Variants in POLI observed in about 807,000 individuals in gnomAD.
POLI encodes DNA polymerase iota, also known as RAD30 homolog B.
POLI carries 58 observed loss-of-function variants against 51.6 expected under a neutral mutation model. That is an observed-to-expected ratio of 1.12 (90% CI 0.91 to 1.40). POLI has a LOEUF of 1.40. POLI is among the 40% of genes most tolerant of loss of function. The pLI, the probability that POLI is intolerant of heterozygous loss-of-function variation, is 0.00. For missense variants in POLI, 921 were observed against 871.3 expected, an observed-to-expected ratio of 1.06 and a Z score of -0.72; for synonymous variants, 322 against 299.7, an observed-to-expected ratio of 1.07 and a Z score of -0.77.
intron 8 of POLI, among the ~76,000 whole-genome samples, chr18:54,291,171 CT>C (rs1175502912): frequency 6.6e-6 from 1 of 151,762 alleles, no homozygotes; most frequent in African/African-American, 2.4e-5. Flanking sequence ...TGTAGTCCCT[CT>C]TTGGTTCTCT....
At chr18:54,316,006 C>T (rs114983385) in intron 3 of POLI, among the ~76,000 whole-genome samples, 179 of 152,128 alleles carry the variant, frequency 1.2e-3, no homozygotes, top group African/African-American at 4.0e-3. Flanking sequence ...GGCTTGAACT[C>T]CTAGGCTCAT....
Position 54,306,514 on chromosome 18 carries a change from G to A in POLI, c.334-13759G>A, listed in dbSNP as rs185176500. On this transcript the variant is annotated intron_variant, in intron 3 of 4. Coordinates refer to the POLI transcript ENST00000579823. ...AGGATTTTTGCATCAATGTTCATCA[G>A]GGATATTGGTCTAAAATTCTCTTTT... is the stretch of plus-strand genomic sequence containing the variant. Among the ~76,000 whole-genome samples the A allele has an allele frequency of 4.3e-3, 635 of 148,610 alleles. 9 individuals are homozygous for A. The highest frequency in any genetic ancestry group is 0.015 in the African/African-American group (620 of 40,444).
rs2088378082 is a variant in POLI, at chr18:54,297,287, T to G, written c.*2820T>G. On this transcript the variant is annotated 3_prime_UTR_variant, in exon 10 of 10. Transcript: ENST00000579534. ...TGCTTTTGTTTCAGCTCGAGTTTGT[T>G]GTTGTTTTTTTTTTTTCCTGTTTCT... 4 of 985,144 alleles carry G rather than the reference T, an allele frequency of 4.1e-6. No individual in the cohort carries two copies. Among genetic ancestry groups the G allele is most frequent in the Non-Finnish European group, 4.8e-6 (4 of 829,924 alleles). The allele number at this position is 985,144 out of a possible 1,614,324, so 61.0% of individuals were successfully genotyped here. A position where few individuals can be genotyped will look rare whatever the true frequency, so the allele number is the denominator to read the frequency against.
Position 54,291,915 on chromosome 18 carries a change from C to T in POLI, c.1281C>T (p.His427=), listed in dbSNP as rs1188509548. 3 of 1,609,288 alleles carry T rather than the reference C, an allele frequency of 1.9e-6. No homozygotes were observed. Among genetic ancestry groups the T allele is most frequent in the Non-Finnish European group, 2.6e-6 (3 of 1,176,118 alleles). The change falls in exon 9 of 10, where the codon CAC becomes CAT. Residue 427 remains histidine (H), a synonymous_variant. Transcript: ENST00000579534. ...RNMVNVKMPF[H]LTLLSVCFCN... ...TGGTGAATGTGAAGATGCCATTTCA[C>T]CTTACCCTTCTAAGTGTGTGCTTCT... is the stretch of plus-strand genomic sequence containing the variant.
At chr18:54,319,705 G>C (rs1261098469) in intron 3 of POLI, among the ~76,000 whole-genome samples, 1 of 152,076 alleles carries the variant, frequency 6.6e-6, no homozygotes, top group African/African-American at 2.4e-5. Flanking sequence ...AGTAATCGAA[G>C]TGACAAAATA....
chr18:54,272,475 T>TTTGTTG (rs200681650), intron 2 of POLI, among the ~76,000 whole-genome samples: 7 of 151,982 alleles, frequency 4.6e-5, no homozygotes, highest in Non-Finnish European at 1.0e-4. Flanking sequence ...TCATTTTGTT[T>TTTGTTG]TTGTTGTTGT....
In POLI at chr18:54,282,949, T is replaced by C. The variant is rs1397327845; in HGVS notation, c.909T>C (p.Ala303=). 6.2e-7 allele frequency: 1 copy of C among 1,610,196 alleles called. No homozygotes were observed. Among genetic ancestry groups the C allele is most frequent in the Non-Finnish European group, 8.5e-7 (1 of 1,178,082 alleles). ...ILEKELGISV[A]QRIQKLSFGE... Reference sequence around the variant, plus strand: ...AAAAAGAATTAGGAATTTCAGTTGCTCAGCGTATCCAAAAGCTCAGTTTTG... The same window carrying C: ...AAAAAGAATTAGGAATTTCAGTTGCCCAGCGTATCCAAAAGCTCAGTTTTG... Residue 303 remains alanine, a synonymous_variant, in exon 6 of 10, where the codon GCT becomes GCC. Transcript: ENST00000579534.
chr18:54,297,906 A>G lies in POLI; in HGVS notation c.*3439A>G. Reference sequence around the variant, plus strand: ...TTCTTGTGTGTCAGATGTTCCTTCTAGGTAGAATTCTTTATACCTTCTGAA... The same window carrying G: ...TTCTTGTGTGTCAGATGTTCCTTCTGGGTAGAATTCTTTATACCTTCTGAA... On this transcript the variant is annotated 3_prime_UTR_variant, in exon 10 of 10. Transcript: ENST00000579534. 1 of 982,380 alleles carries G rather than the reference A, an allele frequency of 1.0e-6. No homozygotes were observed. The highest frequency in any genetic ancestry group is 1.2e-6 in the Non-Finnish European group (1 of 827,258). The allele number at this position is 982,380 out of a possible 1,614,324, so 60.9% of individuals were successfully genotyped here.
intron 3 of POLI, among the ~76,000 whole-genome samples, chr18:54,318,411 T>C (rs1024012862): frequency 1.1e-4 from 17 of 152,208 alleles, no homozygotes; most frequent in Admixed American, 3.9e-4. Flanking sequence ...AAGTTCGTTT[T>C]CATTGACATT....
At chr18:54,281,768 G>A (rs2087510767) in intron 5 of POLI, among the ~76,000 whole-genome samples, 1 of 148,272 alleles carries the variant, frequency 6.7e-6, no homozygotes, top group Admixed American at 6.7e-5. Flanking sequence ...TTTTTAACAG[G>A]CTTTCTCCTT....
At position 54,295,124 on chromosome 18, in the gene POLI, A is replaced by G. The variant is rs2088253095; in HGVS notation, c.*657A>G. On this transcript the variant is annotated 3_prime_UTR_variant, in exon 10 of 10. Transcript: ENST00000579534. ...TGAGAGGAGGGTATATGTTATAGAG[A>G]ACAGTGGTAGAAGGAACTCTCCGTG... The G allele has an allele frequency of 1.0e-6, 1 of 985,328 alleles. No individual in the cohort carries two copies. Among genetic ancestry groups the G allele is most frequent in the Non-Finnish European group, 1.2e-6 (1 of 829,984 alleles). 61.0% of individuals were successfully genotyped at this position (985,328 alleles called of 1,614,324 possible).
downstream of POLI, among the ~76,000 whole-genome samples, chr18:54,300,777 G>A (rs573457923): frequency 6.6e-6 from 1 of 152,268 alleles, no homozygotes; most frequent in South Asian, 2.1e-4. Context: ...AAAGACACGA[G>A]TCTAACATTA....
At chr18:54,287,152 T>G in intron 7 of POLI, 129 bp from the exon 8 acceptor site, 1 of 570,672 alleles carries the variant, frequency 1.8e-6, no homozygotes, top group Non-Finnish European at 3.1e-6. Flanking sequence ...GCTTACTATT[T>G]TGTTATCTGC....
chr18:54,297,973 G>C lies in POLI; in HGVS notation c.*3506G>C, dbSNP rs1018585553. On this transcript the variant is annotated 3_prime_UTR_variant, in exon 10 of 10. Transcript: ENST00000579534. ...TGTAGATTTAGAACTGACATCTCTTGAGCTGTTCTAAGATAATATCTTTTA... is the reference window on the plus strand; with the variant it reads ...TGTAGATTTAGAACTGACATCTCTTCAGCTGTTCTAAGATAATATCTTTTA... 2.0e-6 allele frequency: 2 copies of C among 980,904 alleles called. No individual in the cohort carries two copies. The highest frequency in any genetic ancestry group is 2.4e-6 in the Non-Finnish European group (2 of 826,062). 60.8% of individuals were successfully genotyped at this position (980,904 alleles called of 1,614,324 possible).
At chr18:54,284,611 A>C (rs1418059158) in intron 7 of POLI, 1 of 152,214 alleles carries the variant, frequency 6.6e-6, no homozygotes, top group East Asian at 1.9e-4. Flanking sequence ...GAAATTATTA[A>C]AGTAACAGTG....
Position 54,296,898 on chromosome 18 carries a change from A to G in POLI, c.*2431A>G. 2 of 914,032 alleles carry G rather than the reference A, an allele frequency of 2.2e-6. No individual in the cohort carries two copies. The highest frequency in any genetic ancestry group is 2.6e-6 in the Non-Finnish European group (2 of 765,358). 56.6% of individuals were successfully genotyped at this position (914,032 alleles called of 1,614,324 possible). ...TATTTTTGATAATTTCAATATTTTA[A>G]GTCTTTATAAGTCTACATTTAAGGT... On this transcript the variant is annotated 3_prime_UTR_variant, in exon 10 of 10. Transcript: ENST00000579534.
At position 54,296,905 on chromosome 18, in the gene POLI, A is replaced by C; in HGVS notation, c.*2438A>C. The C allele has an allele frequency of 1.1e-6, 1 of 942,374 alleles. No homozygotes were observed. The highest frequency in any genetic ancestry group is 1.3e-6 in the Non-Finnish European group (1 of 790,966). The allele number at this position is 942,374 out of a possible 1,614,324, so 58.4% of individuals were successfully genotyped here. On this transcript the variant is annotated 3_prime_UTR_variant, in exon 10 of 10. Coordinates refer to ENST00000579534, the MANE Select transcript of POLI (RefSeq NM_007195.3). ...GATAATTTCAATATTTTAAGTCTTT[A>C]TAAGTCTACATTTAAGGTTATTATT... is the stretch of plus-strand genomic sequence containing the variant.
At chr18:54,308,705 C>T (rs1270469875) in intron 3 of POLI, among the ~76,000 whole-genome samples, 1 of 152,220 alleles carries the variant, frequency 6.6e-6, no homozygotes, top group Non-Finnish European at 1.5e-5. Context: ...CTCCTCGTCA[C>T]TTTCAAGTAC....
At chr18:54,313,376 A>G (rs1398334451) in intron 3 of POLI, among the ~76,000 whole-genome samples, 1 of 152,146 alleles carries the variant, frequency 6.6e-6, no homozygotes, top group Non-Finnish European at 1.5e-5. Context: ...TATACTTCGA[A>G]GTCAAGTAAT....
Sources: allele counts gnomAD v4.1 joint callset (sites outside exome capture counted in the v4.1 genomes callset), GRCh38; gene constraint gnomAD v4.1.1; transcripts MANE v1.5; gene names NCBI Gene and HGNC (gene_info 2026-07-23, HGNC 2026-07-21).